Variants in NALF1 observed in about 807,000 individuals in gnomAD.
NALF1 encodes family with sequence similarity 155 member A.
Under a neutral mutation model 48.4 loss-of-function variants are expected in NALF1, and 3 were observed. The observed-to-expected ratio is 0.06, with a 90% CI of 0.03 to 0.16. NALF1 has a LOEUF of 0.16. Ranked by LOEUF, NALF1 falls within the 10% of genes least tolerant of loss-of-function variation. The pLI is 1.00. For missense variants in NALF1, 526 were observed against 571.5 expected, an observed-to-expected ratio of 0.92 and a Z score of 0.81; for synonymous variants, 262 against 245.7, an observed-to-expected ratio of 1.07 and a Z score of -0.62.
At chr13:107,590,722 G>T (rs1878581437) in intron 1 of NALF1, among the ~76,000 whole-genome samples, 1 of 151,870 alleles carries the variant, frequency 6.6e-6, no homozygotes, top group African/African-American at 2.4e-5. Context: ...GAGTAAGTGG[G>T]TATCAGTTTA....
intron 1 of NALF1, among the ~76,000 whole-genome samples, chr13:107,780,491 A>G (rs971297968): frequency 6.6e-6 from 1 of 150,666 alleles, no homozygotes; most frequent in Non-Finnish European, 1.5e-5. Context: ...ACGTATTGGA[A>G]AAGAGTTTTA....
rs145106696 is a variant in NALF1, at chr13:107,521,597, A to G, written c.916-310842T>C. Reference sequence around the variant, plus strand: ...CTATCTTACATGTAATGGTTTTAGTAGCTTCACTATTAATAATTAAATTAT... The same window carrying G: ...CTATCTTACATGTAATGGTTTTAGTGGCTTCACTATTAATAATTAAATTAT... On this transcript the variant is annotated intron_variant, in intron 1 of 2. Transcript: ENST00000375915. 2.6e-5 allele frequency among the ~76,000 whole-genome samples: 4 copies of G among 152,318 alleles called. No individual in the cohort carries two copies. The East Asian group carries it at 7.7e-4, about 29-fold the overall frequency.
chr13:107,609,793 T>C (rs1879177093), intron 1 of NALF1, among the ~76,000 whole-genome samples: 1 of 152,160 alleles, frequency 6.6e-6, no homozygotes, highest in African/African-American at 2.4e-5. Context: ...TATACTTGGA[T>C]AAAATAAATG....
At chr13:107,672,746 C>T (rs1484000763) in intron 1 of NALF1, among the ~76,000 whole-genome samples, 2 of 152,116 alleles carry the variant, frequency 1.3e-5, no homozygotes, top group South Asian at 2.1e-4. Context: ...TTCACAAACT[C>T]CCTACTTAAA....
At chr13:107,548,826 GTGTT>G (rs748572735) in intron 1 of NALF1, among the ~76,000 whole-genome samples, 5 of 151,752 alleles carry the variant, frequency 3.3e-5, no homozygotes, top group Non-Finnish European at 7.4e-5. Flanking sequence ...GTGTGTGTGT[GTGTT>G]TGTATTATAC....
At chr13:107,512,191 G>A (rs559216241) in intron 1 of NALF1, among the ~76,000 whole-genome samples, 2 of 152,276 alleles carry the variant, frequency 1.3e-5, no homozygotes, top group South Asian at 4.1e-4. Context: ...TCAGGAGATC[G>A]AGACCATCCT....
intron 1 of NALF1, among the ~76,000 whole-genome samples, chr13:107,541,515 A>G (rs537346316): frequency 3.3e-5 from 5 of 152,258 alleles, no homozygotes; most frequent in African/African-American, 1.2e-4. Context: ...AGGGATGGAA[A>G]GACAGAGAGG....
chr13:107,483,603 G>C (rs960353989), intron 1 of NALF1, among the ~76,000 whole-genome samples: 7 of 152,134 alleles, frequency 4.6e-5, no homozygotes, highest in Non-Finnish European at 8.8e-5. Context: ...GATTATTTTA[G>C]AATAGGAATA....
intron 1 of NALF1, among the ~76,000 whole-genome samples, chr13:107,857,599 A>G (rs1237789248): frequency 6.6e-6 from 1 of 152,188 alleles, no homozygotes; most frequent in Non-Finnish European, 1.5e-5. Flanking sequence ...GTTAATCTCT[A>G]AATTAAAATA....
chr13:107,506,897 C>G (rs541608698), intron 1 of NALF1, among the ~76,000 whole-genome samples: 4 of 151,674 alleles, frequency 2.6e-5, no homozygotes, highest in African/African-American at 9.7e-5. Context: ...TGGCCATATA[C>G]ATAGGAGTGG....
At chr13:107,308,986 G>A (rs577782611) in intron 1 of NALF1, among the ~76,000 whole-genome samples, 1 of 152,270 alleles carries the variant, frequency 6.6e-6, no homozygotes, top group Admixed American at 6.5e-5. Context: ...TAATTCAATG[G>A]AAGGCATTTA....
In NALF1 at chr13:107,286,334, T is replaced by C. The variant is rs533405378; in HGVS notation, c.916-75579A>G. On this transcript the variant is annotated intron_variant, in intron 1 of 2. Coordinates refer to ENST00000375915, the MANE Select transcript of NALF1 (RefSeq NM_001080396.3). Reference sequence around the variant, plus strand: ...ATGTTCACACAAGCATTATTCACAATAGAAAAAGATGGACATAGACCTGGT... The same window carrying C: ...ATGTTCACACAAGCATTATTCACAACAGAAAAAGATGGACATAGACCTGGT... Among the ~76,000 whole-genome samples, 27 of 151,850 alleles carry C rather than the reference T, an allele frequency of 1.8e-4. No homozygotes were observed. The South Asian group carries it at 5.6e-3, about 32-fold the overall frequency.
At chr13:107,235,066 T>G (rs910888106) in intron 1 of NALF1, among the ~76,000 whole-genome samples, 1 of 152,148 alleles carries the variant, frequency 6.6e-6, no homozygotes, top group Non-Finnish European at 1.5e-5. Context: ...CATGCCCACG[T>G]TTTAGCTTTT....
At chr13:107,582,430 T>TG (rs1279644338) in intron 1 of NALF1, among the ~76,000 whole-genome samples, 1 of 152,180 alleles carries the variant, frequency 6.6e-6, no homozygotes, top group African/African-American at 2.4e-5. Flanking sequence ...AGATAACACT[T>TG]GCATCTAGTC....
chr13:107,199,777 C>A (rs1347102420), intron 2 of NALF1, among the ~76,000 whole-genome samples: 21 of 152,184 alleles, frequency 1.4e-4, no homozygotes, highest in African/African-American at 4.6e-4. Context: ...ACATGAAATA[C>A]TGAGATGCTT....
chr13:107,724,308 T>C (rs1316486499), intron 1 of NALF1, among the ~76,000 whole-genome samples: 3 of 151,964 alleles, frequency 2.0e-5, no homozygotes. Flanking sequence ...TGTTAACTCA[T>C]ATTGCTAAAG....
chr13:107,408,701 T>G (rs914808978), intron 1 of NALF1, among the ~76,000 whole-genome samples: 20 of 152,126 alleles, frequency 1.3e-4, no homozygotes, highest in African/African-American at 3.9e-4. Flanking sequence ...GGCTTCCCAA[T>G]CCATGATCCT....
chr13:107,657,406 C>T (rs1170210538), intron 1 of NALF1, among the ~76,000 whole-genome samples: 1 of 152,034 alleles, frequency 6.6e-6, no homozygotes, highest in African/African-American at 2.4e-5. Flanking sequence ...TATTTTCTTG[C>T]TGGTATTCTA....
intron 1 of NALF1, among the ~76,000 whole-genome samples, chr13:107,314,208 A>G (rs1456060843): frequency 1.3e-5 from 2 of 152,126 alleles, no homozygotes; most frequent in Non-Finnish European, 2.9e-5. Flanking sequence ...TGCAAAGGCC[A>G]TCGGCATCCC....
Sources: allele counts gnomAD v4.1 joint callset (sites outside exome capture counted in the v4.1 genomes callset), GRCh38; gene constraint gnomAD v4.1.1; transcripts MANE v1.5; gene names NCBI Gene and HGNC (gene_info 2026-07-23, HGNC 2026-07-21).